Variants in LIPJ observed in about 807,000 individuals in gnomAD.
LIPJ encodes lipase family member J.
In LIPJ, 33 loss-of-function variants were observed where a neutral mutation model predicts 39.8. The observed-to-expected ratio is 0.83, with a 90% CI of 0.63 to 1.11. The LOEUF (loss-of-function observed/expected upper bound fraction) is 1.11, where lower values mean the gene tolerates loss of function less well. Among genes scored for constraint, LIPJ ranks in the 50% least tolerant of loss-of-function variants. The pLI is 0.00. For missense variants in LIPJ, 422 were observed against 427.9 expected (o/e 0.99, Z 0.12); for synonymous variants, 128 against 139.2 (o/e 0.92, Z 0.57).
At chr10:88,612,320 T>A in the LIPJ span, among the ~76,000 whole-genome samples, 1 of 152,102 alleles carries the variant, frequency 6.6e-6, no homozygotes, top group African/African-American at 2.4e-5. Context: ...CCTTAAAGCA[T>A]AAATCTCACA....
At chr10:88,590,310 C>CAAT (rs1316351490) in intron 2 of LIPJ, among the ~76,000 whole-genome samples, 23 of 151,712 alleles carry the variant, frequency 1.5e-4, no homozygotes, top group Non-Finnish European at 2.5e-4. Context: ...TTGGACTGTG[C>CAAT]AATACTACAA....
intron 8 of LIPJ, among the ~76,000 whole-genome samples, chr10:88,598,147 A>AGC (rs1851325355): frequency 1.3e-5 from 2 of 152,000 alleles, no homozygotes; most frequent in African/African-American, 2.4e-5. Context: ...GAAATAGTTA[A>AGC]TTGTGAAACT....
At chr10:88,588,249 A>G (rs575172303) in intron 2 of LIPJ, among the ~76,000 whole-genome samples, 7 of 152,058 alleles carry the variant, frequency 4.6e-5, no homozygotes, top group Non-Finnish European at 7.4e-5. Context: ...ACTTTGAAGT[A>G]AAAACATATC....
At chr10:88,589,460 G>A (rs553583835) in intron 2 of LIPJ, among the ~76,000 whole-genome samples, 1 of 151,954 alleles carries the variant, frequency 6.6e-6, no homozygotes, top group East Asian at 1.9e-4. Flanking sequence ...AAACTTTGCT[G>A]TTGCCTTCAA....
At chr10:88,585,127 C>G (rs185622211), upstream of LIPJ, among the ~76,000 whole-genome samples, 1 of 152,250 alleles carries the variant, frequency 6.6e-6, no homozygotes, top group African/African-American at 2.4e-5. Flanking sequence ...AGTACATTTG[C>G]AGTAATCTAT....
chr10:88,620,554 T>G, the LIPJ span, among the ~76,000 whole-genome samples: 1 of 152,100 alleles, frequency 6.6e-6, no homozygotes, highest in Non-Finnish European at 1.5e-5. Context: ...CACAAAAGGA[T>G]GCTCAACATC....
chr10:88,599,299 A>G (rs1304841716), intron 8 of LIPJ, among the ~76,000 whole-genome samples: 2 of 151,948 alleles, frequency 1.3e-5, no homozygotes, highest in African/African-American at 4.8e-5. Context: ...TATTCTCTTA[A>G]CAAATTTCAA....
chr10:88,616,813 A>G, the LIPJ span, among the ~76,000 whole-genome samples: 1 of 152,320 alleles, frequency 6.6e-6, no homozygotes, highest in African/African-American at 2.4e-5. Context: ...CACAGCCTGC[A>G]GCTGCTCTGT....
chr10:88,609,876 G>C (rs543316352), downstream of LIPJ, among the ~76,000 whole-genome samples: 1 of 139,514 alleles, frequency 7.2e-6, no homozygotes, highest in Non-Finnish European at 1.6e-5. Context: ...TCCAGCCTGG[G>C]CGACAGAGCG....
At chr10:88,617,351 G>C in the LIPJ span, among the ~76,000 whole-genome samples, 1 of 152,004 alleles carries the variant, frequency 6.6e-6, no homozygotes, top group Non-Finnish European at 1.5e-5. Context: ...TAAAAATTCA[G>C]AGGAACCACT....
the LIPJ span, chr10:88,619,062 C>G: frequency 6.6e-6 from 1 of 152,032 alleles, no homozygotes; most frequent in Non-Finnish European, 1.5e-5. Flanking sequence ...TCTGTTGGTA[C>G]TGGTATTCTG....
chr10:88,614,788 CA>C, the LIPJ span, among the ~76,000 whole-genome samples: 1 of 151,928 alleles, frequency 6.6e-6, no homozygotes, highest in Non-Finnish European at 1.5e-5. Flanking sequence ...TATTAAATAT[CA>C]AGAATTATAA....
At chr10:88,610,423 A>G (rs959719581), downstream of LIPJ, among the ~76,000 whole-genome samples, 1 of 152,184 alleles carries the variant, frequency 6.6e-6, no homozygotes, top group Admixed American at 6.5e-5. Flanking sequence ...AAAAATACAG[A>G]TAAATACGTT....
intron 9 of LIPJ, among the ~76,000 whole-genome samples, chr10:88,605,318 TTGA>T (rs549442017): frequency 3.3e-5 from 5 of 152,198 alleles, no homozygotes; most frequent in African/African-American, 4.8e-5. Context: ...TTGACCTCTG[TTGA>T]TGAAGCTGAA....
At chr10:88,598,282 G>A (rs1276866624) in intron 8 of LIPJ, among the ~76,000 whole-genome samples, 9 of 151,978 alleles carry the variant, frequency 5.9e-5, no homozygotes, top group Admixed American at 5.3e-4. Context: ...TTTGTGAAAA[G>A]GCAGTGAGTG....
At chr10:88,616,008 C>T in the LIPJ span, among the ~76,000 whole-genome samples, 6 of 152,082 alleles carry the variant, frequency 3.9e-5, no homozygotes, top group Non-Finnish European at 7.4e-5. Flanking sequence ...GGCTATAAAT[C>T]GGAGACCAGC....
chr10:88,610,351 A>G (rs568741659), downstream of LIPJ, among the ~76,000 whole-genome samples: 1 of 152,302 alleles, frequency 6.6e-6, no homozygotes, highest in South Asian at 2.1e-4. Context: ...AGCGTCATCA[A>G]TTGCAAAATG....
At chr10:88,613,330 GCATAA>G in the LIPJ span, among the ~76,000 whole-genome samples, 3 of 152,140 alleles carry the variant, frequency 2.0e-5, no homozygotes, top group East Asian at 5.8e-4. Flanking sequence ...AGATAAATAA[GCATAA>G]CATATGACTC....
chr10:88,602,745 A>T, intron 9 of LIPJ, 98 bp downstream of exon 9: 1 of 584,712 alleles, frequency 1.7e-6, no homozygotes, highest in South Asian at 3.1e-5. Flanking sequence ...AGAGTAATAA[A>T]TTTATAAGGA....
Sources: allele counts gnomAD v4.1 joint callset (sites outside exome capture counted in the v4.1 genomes callset), GRCh38; gene constraint gnomAD v4.1.1; transcripts MANE v1.5; gene names NCBI Gene and HGNC (gene_info 2026-07-23, HGNC 2026-07-21).